Variants in CNKSR3 observed in about 807,000 individuals in gnomAD.
CNKSR3 encodes the protein connector enhancer of kinase suppressor of ras 3.
In CNKSR3, 36 loss-of-function variants were observed where a neutral mutation model predicts 67.7. The observed-to-expected ratio is 0.53, with a 90% confidence interval of 0.41 to 0.70. The LOEUF (loss-of-function observed/expected upper bound fraction) is 0.70. Ranked by LOEUF, CNKSR3 falls within the 30% of genes least tolerant of loss-of-function variation. The pLI is 0.00. For synonymous variants in CNKSR3, 281 were observed against 271.4 expected, an observed-to-expected ratio of 1.04 and a Z score of -0.35; for missense variants, 630 against 695.2, an observed-to-expected ratio of 0.91 and a Z score of 1.05.
chr6:154,422,712 C>A, intron 8 of CNKSR3, 60 bp from the exon 9 acceptor site: 1 of 1,579,142 alleles, frequency 6.3e-7, no homozygotes, highest in East Asian at 2.2e-5. Flanking sequence ...AAAACCGAAC[C>A]TATGAATTTA....
intron 9 of CNKSR3, among the ~76,000 whole-genome samples, chr6:154,419,498 G>T (rs1012874776): frequency 6.6e-6 from 1 of 152,192 alleles, no homozygotes; most frequent in Admixed American, 6.5e-5. Flanking sequence ...AACACAAAAG[G>T]TAAGTGGTGA....
intron 1 of CNKSR3, among the ~76,000 whole-genome samples, chr6:154,487,443 C>A (rs1786697836): frequency 6.6e-6 from 1 of 152,128 alleles, no homozygotes; most frequent in African/African-American, 2.4e-5. Context: ...AAACAATGTA[C>A]ATAAATTGGC....
At chr6:154,480,138 C>T (rs145018715) in intron 1 of CNKSR3, among the ~76,000 whole-genome samples, 437 of 152,266 alleles carry the variant, frequency 2.9e-3, no homozygotes, top group Non-Finnish European at 4.8e-3. Context: ...GTGCTGGGGC[C>T]GTCTCATTTC....
chr6:154,444,114 G>A (rs887608485), intron 2 of CNKSR3, among the ~76,000 whole-genome samples: 1 of 151,996 alleles, frequency 6.6e-6, no homozygotes, highest in Non-Finnish European at 1.5e-5. Flanking sequence ...AAAACATGAC[G>A]ATATTTCTTG....
At chr6:154,423,164 T>G (rs1785180884) in intron 7 of CNKSR3, among the ~76,000 whole-genome samples, 181 bp from the exon 8 acceptor site, 1 of 152,228 alleles carries the variant, frequency 6.6e-6, no homozygotes, top group South Asian at 2.1e-4. Flanking sequence ...ACATGAATCC[T>G]GTGTTATCTA....
At chr6:154,433,768 T>C in intron 4 of CNKSR3, 2 of 359,458 alleles carry the variant, frequency 5.6e-6, no homozygotes, top group Non-Finnish European at 1.0e-5. Context: ...TTACTTAATT[T>C]GAAAACTTAC....
Position 154,430,529 on chromosome 6 carries a change from G to A in CNKSR3, c.612C>T (p.Ser204=), listed in dbSNP as rs751665833. 1.2e-6 allele frequency: 2 copies of A among 1,612,284 alleles called. No individual in the cohort carries two copies. The highest frequency in any genetic ancestry group is 1.1e-5 in the South Asian group (1 of 90,878). ...GAACTTCCTCCAGACATGCACACTG[G>A]CTCATCACAGGATCTGTGGTAGATC... ...TIRSTTDPVM[S]QCACLEEVHL... Residue 204 remains serine, a synonymous_variant, in exon 6 of 13, where the codon AGC becomes AGT. Transcript: ENST00000607772.
Position 154,428,140 on chromosome 6 carries a change from T to C in CNKSR3, c.717A>G (p.Gly239=), listed in dbSNP as rs766373683. ...STYDGLHVIT[G]TTENSPADRS... ...AATATACACTTACATTTTCTGTGGT[T>C]CCAGTAATCACGTGTAACCCATCAT... Residue 239 remains glycine, a synonymous_variant, in exon 7 of 13, where the codon GGA becomes GGG. Transcript: ENST00000607772. The C allele has an allele frequency of 5.0e-6, 8 of 1,606,774 alleles. No homozygotes were observed. Among genetic ancestry groups the C allele is most frequent in the Non-Finnish European group, 6.8e-6 (8 of 1,173,326 alleles).
intron 1 of CNKSR3, among the ~76,000 whole-genome samples, chr6:154,495,270 A>C (rs898201692): frequency 1.3e-5 from 2 of 152,120 alleles, no homozygotes; most frequent in Non-Finnish European, 2.9e-5. Flanking sequence ...TGTATCATCT[A>C]CAAACTAGAA....
intron 1 of CNKSR3, among the ~76,000 whole-genome samples, chr6:154,507,314 C>T (rs781410829): frequency 6.6e-6 from 1 of 152,220 alleles, no homozygotes; most frequent in Non-Finnish European, 1.5e-5. Context: ...CAGCTGTCGA[C>T]TGTGGCCAGG....
chr6:154,428,164 A>G lies in CNKSR3; in HGVS notation c.693T>C (p.Tyr231=), dbSNP rs372698348. 2.5e-6 allele frequency: 4 copies of G among 1,610,528 alleles called. No homozygotes were observed. Among genetic ancestry groups the G allele is most frequent in the Non-Finnish European group, 3.4e-6 (4 of 1,176,858 alleles). The change falls in exon 7 of 13, where the codon TAT becomes TAC. Residue 231 remains tyrosine (Y), a synonymous_variant. Coordinates refer to ENST00000607772, the MANE Select transcript of CNKSR3 (RefSeq NM_173515.4). ...EGLGMYIKST[Y]DGLHVITGTT... is the part of the protein sequence containing the mutation. Reference sequence around the variant, plus strand: ...TTCCAGTAATCACGTGTAACCCATCATAGGTTGATTTGATGTACATGCCCT... The same window carrying G: ...TTCCAGTAATCACGTGTAACCCATCGTAGGTTGATTTGATGTACATGCCCT...
chr6:154,449,954 C>T (rs1329760978), intron 2 of CNKSR3, 141 bp downstream of exon 2: 36 of 839,120 alleles, frequency 4.3e-5, no homozygotes, highest in Non-Finnish European at 6.1e-5. Flanking sequence ...TTTCCCCTTC[C>T]TATAGTATCT....
intron 12 of CNKSR3, among the ~76,000 whole-genome samples, chr6:154,409,262 A>G (rs1784860967): frequency 6.6e-6 from 1 of 152,176 alleles, no homozygotes. Context: ...AGCCTATTGT[A>G]CTTTAACTTT....
Position 154,459,978 on chromosome 6 carries a change from C to G in CNKSR3, c.53-9720G>C, listed in dbSNP as rs1045836178. On this transcript the variant is annotated intron_variant, in intron 1 of 12. Coordinates refer to ENST00000607772, the MANE Select transcript of CNKSR3 (RefSeq NM_173515.4). ...AAGTTGTAGGGCTCCCAAGCCTACG[C>G]TGCCTCAACCCCAACCCCAACAGAT... is the stretch of plus-strand genomic sequence containing the variant. 5.9e-5 allele frequency among the ~76,000 whole-genome samples: 9 copies of G among 152,362 alleles called. 1 individual carries two copies. Among genetic ancestry groups the G allele is most frequent in the Admixed American group, 2.0e-4 (3 of 15,308 alleles).
chr6:154,452,783 C>T (rs1000408881), intron 1 of CNKSR3, among the ~76,000 whole-genome samples: 8 of 152,058 alleles, frequency 5.3e-5, no homozygotes, highest in South Asian at 2.1e-4. Flanking sequence ...GAGGAGATAA[C>T]GACACAGACA....
intron 1 of CNKSR3, among the ~76,000 whole-genome samples, chr6:154,464,022 CA>C (rs1378527595): frequency 6.6e-6 from 1 of 152,186 alleles, no homozygotes; most frequent in Non-Finnish European, 1.5e-5. Flanking sequence ...TATTTGTGTA[CA>C]GTTAACTGAC....
chr6:154,437,565 C>T (rs1785497975), intron 4 of CNKSR3, among the ~76,000 whole-genome samples: 1 of 151,946 alleles, frequency 6.6e-6, no homozygotes, highest in African/African-American at 2.4e-5. Flanking sequence ...TAGGTGTCCG[C>T]CACCATGCCC....
chr6:154,452,116 T>C (rs959320464), intron 1 of CNKSR3, among the ~76,000 whole-genome samples: 2 of 152,136 alleles, frequency 1.3e-5, no homozygotes, highest in African/African-American at 4.8e-5. Context: ...AGGGACAAGA[T>C]TGAAGGACAG....
chr6:154,505,822 T>C (rs900327715), intron 1 of CNKSR3, among the ~76,000 whole-genome samples: 1 of 152,096 alleles, frequency 6.6e-6, no homozygotes, highest in Non-Finnish European at 1.5e-5. Context: ...GTTGAGAGCC[T>C]ACCCACTCGA....
Sources: allele counts gnomAD v4.1 joint callset (sites outside exome capture counted in the v4.1 genomes callset), GRCh38; gene constraint gnomAD v4.1.1; transcripts MANE v1.5; gene names NCBI Gene and HGNC (gene_info 2026-07-23, HGNC 2026-07-21).